TRPC1: variants seen among roughly 807,000 people sequenced by gnomAD.
TRPC1 encodes short transient receptor potential channel 1.
In TRPC1, 42 loss-of-function variants were observed where a neutral mutation model predicts 88.2. The observed-to-expected ratio is 0.48, with a 90% CI of 0.37 to 0.62. The LOEUF (loss-of-function observed/expected upper bound fraction) is 0.62, where lower values mean the gene tolerates loss of function less well. TRPC1 is among the 20% of genes least tolerant of loss of function. The probability of loss-of-function intolerance (pLI) is 0.00; values close to 1 mark genes in which losing one functional copy is unlikely to be tolerated. For missense variants in TRPC1, 699 were observed against 957.3 expected, an observed-to-expected ratio of 0.73 and a Z score of 3.56; for synonymous variants, 288 against 331.8, an observed-to-expected ratio of 0.87 and a Z score of 1.43.
chr3:142,768,800 T>C (rs1935482013), intron 4 of TRPC1, among the ~76,000 whole-genome samples: 1 of 152,124 alleles, frequency 6.6e-6, no homozygotes, highest in Non-Finnish European at 1.5e-5. Context: ...CTATTTCAAG[T>C]TGATATCGAC....
At position 142,724,771 on chromosome 3, in the gene TRPC1, C is replaced by T; in HGVS notation, c.172+40C>T. 5.3e-6 allele frequency: 8 copies of T among 1,505,710 alleles called. No individual in the cohort carries two copies. The highest frequency in any genetic ancestry group is 3.8e-5 in the South Asian group (3 of 78,184). 93.3% of individuals were successfully genotyped at this position (1,505,710 alleles called of 1,614,324 possible). On this transcript the variant is annotated intron_variant, in intron 1 of 12. Transcript: ENST00000476941. This position sits in a 1 kb window ranked among gnomAD's most constrained non-coding sequence, Gnocchi z 5.6. ...CCTTTCTCCTCTGGACGCCCCTGTCCTCCAGACCTTTAGTCCTCTCCCCCG... is the reference window on the plus strand; with the variant it reads ...CCTTTCTCCTCTGGACGCCCCTGTCTTCCAGACCTTTAGTCCTCTCCCCCG...
intron 4 of TRPC1, among the ~76,000 whole-genome samples, chr3:142,750,214 A>G (rs1934704780): frequency 6.6e-6 from 1 of 151,944 alleles, no homozygotes; most frequent in African/African-American, 2.4e-5. Flanking sequence ...AGGAACTTAA[A>G]TTTATGAGAA....
chr3:142,778,477 T>A (rs749504116), intron 5 of TRPC1, among the ~76,000 whole-genome samples: 4 of 152,150 alleles, frequency 2.6e-5, no homozygotes, highest in African/African-American at 7.2e-5. Flanking sequence ...ATATTGTTTT[T>A]AAAAAAATCC....
At position 142,777,655 on chromosome 3, in the gene TRPC1, GT is replaced by G. The variant is rs769650702; in HGVS notation, c.659del (p.Leu220TrpfsTer6). 12 of 1,606,784 alleles carry G rather than the reference GT, an allele frequency of 7.5e-6. No homozygotes were observed. Among genetic ancestry groups the G allele is most frequent in the Non-Finnish European group, 6.8e-6 (8 of 1,175,850 alleles). ...AGGTTTCGTCTTGATATATATCGAT[GT>G]TTGGCCAGTCCAGCTCTAATAATGT... The part of the protein sequence containing the change: ...HSRFRLDIYR[C>X]LASPALIMLT... On this transcript the variant is annotated frameshift_variant, in exon 5 of 13. Transcript: ENST00000476941. LOFTEE classifies it high-confidence loss of function.
chr3:142,785,734 CG>C (rs1936114348), intron 7 of TRPC1, among the ~76,000 whole-genome samples: 1 of 152,098 alleles, frequency 6.6e-6, no homozygotes, highest in Non-Finnish European at 1.5e-5. Context: ...CTCCTGACTT[CG>C]TAATCCTCCT....
intron 4 of TRPC1, among the ~76,000 whole-genome samples, chr3:142,774,534 G>A (rs1471820055): frequency 1.3e-5 from 2 of 152,150 alleles, no homozygotes; most frequent in Admixed American, 6.6e-5. Flanking sequence ...ACCAGCTACA[G>A]GATGGCAAAA....
intron 2 of TRPC1, among the ~76,000 whole-genome samples, chr3:142,740,419 A>T (rs1934302720): frequency 6.6e-6 from 1 of 152,220 alleles, no homozygotes; most frequent in African/African-American, 2.4e-5. Context: ...TTATATTTCT[A>T]GGGAGAGATC....
Position 142,784,693 on chromosome 3 carries a change from G to A in TRPC1, c.961-11G>A. 1.9e-6 allele frequency: 3 copies of A among 1,601,386 alleles called. No homozygotes were observed. Among genetic ancestry groups the A allele is most frequent in the Non-Finnish European group, 2.6e-6 (3 of 1,173,728 alleles). ...TTTTTTCTTTTTAATGTGTGTGTAT[G>A]TCCTTTTCAGTTTGTCTCCCAGTCT... On this transcript the variant is annotated splice_polypyrimidine_tract_variant and intron_variant, in intron 6 of 12. Transcript: ENST00000476941.
At chr3:142,781,113 C>G in intron 6 of TRPC1, 84 bp downstream of exon 6, 1 of 1,146,952 alleles carries the variant, frequency 8.7e-7, no homozygotes, top group Non-Finnish European at 1.2e-6. Context: ...AGTAACTCAT[C>G]TGGGTTAAGA....
Position 142,756,436 on chromosome 3 carries a change from T to C in TRPC1, c.632+7976T>C, listed in dbSNP as rs561240170. On this transcript the variant is annotated intron_variant, in intron 4 of 12. Coordinates refer to ENST00000476941, the MANE Select transcript of TRPC1 (RefSeq NM_001251845.2). ...GTGCAGTGGCGCGATTTCAGCTCAC[T>C]GCAAGCTCCGCCTCCCGGGTTCACG... 1.1e-3 allele frequency among the ~76,000 whole-genome samples: 167 copies of C among 151,578 alleles called. 1 individual carries two copies. The highest frequency in any genetic ancestry group is 3.5e-3 in the African/African-American group (146 of 41,274).
chr3:142,757,093 T>A (rs1934997435), intron 4 of TRPC1, among the ~76,000 whole-genome samples: 1 of 152,204 alleles, frequency 6.6e-6, no homozygotes, highest in South Asian at 2.1e-4. Context: ...CCGTTATGTA[T>A]ATAAACCATG....
intron 4 of TRPC1, among the ~76,000 whole-genome samples, chr3:142,761,654 G>A (rs1367034620): frequency 6.6e-6 from 1 of 152,068 alleles, no homozygotes; most frequent in Non-Finnish European, 1.5e-5. Flanking sequence ...GTTGGTATTA[G>A]TTTTCTTGAA....
chr3:142,802,538 G>A (rs1054934722), intron 10 of TRPC1, among the ~76,000 whole-genome samples, 194 bp downstream of exon 10: 16 of 152,008 alleles, frequency 1.1e-4, no homozygotes, highest in African/African-American at 3.6e-4. Flanking sequence ...TAAATAGTGG[G>A]TCCAAGTTAT....
intron 1 of TRPC1, among the ~76,000 whole-genome samples, chr3:142,731,477 C>G (rs1211351993): frequency 6.7e-6 from 1 of 149,420 alleles, no homozygotes. Flanking sequence ...CTCCGCCTCC[C>G]ACGTTCACGC....
chr3:142,738,853 T>A (rs1475490578), intron 2 of TRPC1, among the ~76,000 whole-genome samples: 1 of 152,224 alleles, frequency 6.6e-6, no homozygotes, highest in Non-Finnish European at 1.5e-5. Context: ...ATTGCTAACA[T>A]TTATATAATA....
chr3:142,747,965 C>T (rs1934619471), intron 3 of TRPC1, among the ~76,000 whole-genome samples: 1 of 152,018 alleles, frequency 6.6e-6, no homozygotes, highest in South Asian at 2.1e-4. Context: ...AAACACTTTT[C>T]CCTAAGATAT....
chr3:142,782,875 A>G (rs1036329412), intron 6 of TRPC1, among the ~76,000 whole-genome samples: 1 of 152,206 alleles, frequency 6.6e-6, no homozygotes, highest in Non-Finnish European at 1.5e-5. Context: ...TCCTCACAGC[A>G]TGGTGGCTTC....
In TRPC1 at chr3:142,743,490, A is replaced by G; in HGVS notation, c.333A>G (p.Ala111=). Reference sequence around the variant, plus strand: ...AACTTTTTTTTTTTTTGAAGTCTGCAGATGCACTTTTGGTGGCAATCGACT... The same window carrying G: ...AACTTTTTTTTTTTTTGAAGTCTGCGGATGCACTTTTGGTGGCAATCGACT... The part of the protein sequence containing the change: ...QLLLDYGCQS[A]DALLVAIDSE... Residue 111 remains alanine, a synonymous_variant, in exon 3 of 13, where the codon GCA becomes GCG. Transcript: ENST00000476941. 2 of 1,504,592 alleles carry G rather than the reference A, an allele frequency of 1.3e-6. No homozygotes were observed. The highest frequency in any genetic ancestry group is 1.8e-6 in the Non-Finnish European group (2 of 1,135,032). 93.2% of individuals were successfully genotyped at this position (1,504,592 alleles called of 1,614,324 possible).
intron 1 of TRPC1, among the ~76,000 whole-genome samples, chr3:142,733,579 G>T (rs1053525284): frequency 6.6e-6 from 1 of 152,086 alleles, no homozygotes; most frequent in African/African-American, 2.4e-5. Context: ...CTTTTTAACA[G>T]CAATCTAAAC....
Sources: gnomAD v4.1 joint callset for allele counts (sites outside exome capture counted in the v4.1 genomes callset) on GRCh38, gnomAD v4.1.1 for gene constraint, Gnocchi (gnomAD v3.1) non-coding constraint, MANE v1.5 for transcripts, NCBI Gene and HGNC (gene_info 2026-07-23, HGNC 2026-07-21) for gene names.